The following COMMD1 variants were observed in gnomAD, a reference collection of about 807,000 sequenced individuals.
COMMD1 encodes the protein copper metabolism domain containing 1.
A neutral mutation model predicts 17.2 loss-of-function variants in COMMD1; 10 were observed. That is an observed-to-expected ratio of 0.58 (90% CI 0.36 to 0.99). The LOEUF (loss-of-function observed/expected upper bound fraction) is 0.99, where lower values mean the gene tolerates loss of function less well. Among genes scored for constraint, COMMD1 ranks in the 50% least tolerant of loss-of-function variants. The probability of loss-of-function intolerance (pLI) is 0.01; values close to 1 mark genes in which losing one functional copy is unlikely to be tolerated. For missense variants in COMMD1, 270 were observed against 231.8 expected, an observed-to-expected ratio of 1.17 and a Z score of -1.07; for synonymous variants, 97 against 91.6, an observed-to-expected ratio of 1.06 and a Z score of -0.34.
intron 2 of COMMD1, among the ~76,000 whole-genome samples, chr2:62,052,928 G>A (rs1054875711): frequency 6.6e-6 from 1 of 152,116 alleles, no homozygotes; most frequent in Non-Finnish European, 1.5e-5. Flanking sequence ...AGTTAACTGG[G>A]TGTGGTGGCA....
intron 2 of COMMD1, among the ~76,000 whole-genome samples, chr2:62,105,653 G>A (rs950120614): frequency 6.6e-6 from 1 of 152,122 alleles, no homozygotes; most frequent in Admixed American, 6.5e-5. Flanking sequence ...GCAAACCCCC[G>A]TGTCTACTAA....
intron 1 of COMMD1, among the ~76,000 whole-genome samples, chr2:61,950,284 T>C (rs1671018099): frequency 6.6e-6 from 1 of 152,186 alleles, no homozygotes; most frequent in Non-Finnish European, 1.5e-5. Flanking sequence ...CCAACCTCAC[T>C]GACAAATCTG....
chr2:62,016,197 T>G (rs1669440999), intron 2 of COMMD1, among the ~76,000 whole-genome samples: 1 of 149,366 alleles, frequency 6.7e-6, no homozygotes, highest in Non-Finnish European at 1.5e-5. Context: ...CTCTTTTTTC[T>G]TTTCTTTTCT....
At chr2:62,096,098 A>G (rs984960061) in intron 2 of COMMD1, among the ~76,000 whole-genome samples, 1 of 152,064 alleles carries the variant, frequency 6.6e-6, no homozygotes, top group African/African-American at 2.4e-5. Context: ...GTGCAAAGCA[A>G]CTAACTTTCT....
At chr2:61,971,724 C>A (rs1434757725) in intron 1 of COMMD1, among the ~76,000 whole-genome samples, 1 of 151,976 alleles carries the variant, frequency 6.6e-6, no homozygotes, top group African/African-American at 2.4e-5. Flanking sequence ...GTGCTCAGCT[C>A]CCTGCATTTA....
intron 1 of COMMD1, among the ~76,000 whole-genome samples, chr2:61,893,029 G>A (rs761699148): frequency 6.6e-6 from 1 of 151,896 alleles, no homozygotes; most frequent in African/African-American, 2.4e-5. Flanking sequence ...CACCGTGGTC[G>A]GCTAATTTTG....
intron 1 of COMMD1, among the ~76,000 whole-genome samples, 173 bp downstream of exon 1, chr2:61,906,031 C>G (rs1350156061): frequency 6.6e-6 from 1 of 152,182 alleles, no homozygotes; most frequent in Non-Finnish European, 1.5e-5. Context: ...TTCTGTCGCC[C>G]CTTCTCTCTT....
At chr2:62,057,231 A>G (rs1345865328) in intron 2 of COMMD1, among the ~76,000 whole-genome samples, 1 of 152,232 alleles carries the variant, frequency 6.6e-6, no homozygotes, top group East Asian at 1.9e-4. Flanking sequence ...ATGCACTTGA[A>G]TCATCCTGAA....
intron 1 of COMMD1, among the ~76,000 whole-genome samples, chr2:61,941,676 T>C (rs1384363456): frequency 1.3e-5 from 2 of 152,218 alleles, no homozygotes; most frequent in Non-Finnish European, 2.9e-5. Context: ...TAACTTTCTG[T>C]GCATTTAGAT....
At chr2:61,946,356 G>T (rs1670905232) in intron 1 of COMMD1, among the ~76,000 whole-genome samples, 1 of 152,166 alleles carries the variant, frequency 6.6e-6, no homozygotes, top group South Asian at 2.1e-4. Flanking sequence ...ATTTGATTTT[G>T]AGAAGGCAAA....
intron 1 of COMMD1, among the ~76,000 whole-genome samples, chr2:61,981,648 A>G (rs1365687146): frequency 2.0e-5 from 3 of 152,206 alleles, no homozygotes; most frequent in Admixed American, 6.5e-5. Context: ...CCTCACAGTC[A>G]TGGCGGAAGG....
At chr2:62,125,591 A>G (rs1273887584) in intron 2 of COMMD1, among the ~76,000 whole-genome samples, 1 of 152,130 alleles carries the variant, frequency 6.6e-6, no homozygotes, top group Non-Finnish European at 1.5e-5. Context: ...AGTAATAGTT[A>G]TTGTTTAAAA....
At chr2:62,026,357 C>A (rs960559953) in intron 2 of COMMD1, among the ~76,000 whole-genome samples, 1 of 152,068 alleles carries the variant, frequency 6.6e-6, no homozygotes, top group African/African-American at 2.4e-5. Context: ...CTTCACATGG[C>A]GATAGCAAGA....
intron 2 of COMMD1, among the ~76,000 whole-genome samples, chr2:62,076,756 G>A (rs1380785359): frequency 6.6e-6 from 1 of 152,038 alleles, no homozygotes; most frequent in South Asian, 2.1e-4. Context: ...CAAAAATAAA[G>A]AAAGAGTAGT....
intron 2 of COMMD1, among the ~76,000 whole-genome samples, chr2:62,083,152 G>A (rs1573161544): frequency 6.6e-6 from 1 of 152,188 alleles, no homozygotes; most frequent in South Asian, 2.1e-4. Context: ...CCATCTACTC[G>A]ACATAATGCC....
At chr2:62,112,011 T>C (rs1365357535) in intron 2 of COMMD1, among the ~76,000 whole-genome samples, 1 of 152,208 alleles carries the variant, frequency 6.6e-6, no homozygotes, top group Non-Finnish European at 1.5e-5. Flanking sequence ...TTTGGTAATG[T>C]AGGTGAGGAA....
At chr2:61,969,830 A>C (rs989632997) in intron 1 of COMMD1, among the ~76,000 whole-genome samples, 6 of 152,148 alleles carry the variant, frequency 3.9e-5, no homozygotes, top group African/African-American at 1.2e-4. Context: ...CCTGGCTATA[A>C]CTTAGTCACT....
chr2:61,989,043 C>A (rs552292147), intron 1 of COMMD1, among the ~76,000 whole-genome samples: 2 of 152,184 alleles, frequency 1.3e-5, no homozygotes, highest in East Asian at 1.9e-4. Flanking sequence ...AATTAAAGGG[C>A]CTTTCCTACC....
chr2:62,071,450 A>G (rs981859172), intron 2 of COMMD1, among the ~76,000 whole-genome samples: 5 of 151,930 alleles, frequency 3.3e-5, no homozygotes, highest in East Asian at 1.9e-4. Context: ...TTTCATCTCT[A>G]TTTCATCTCG....
Sources: allele counts gnomAD v4.1 joint callset (sites outside exome capture counted in the v4.1 genomes callset), GRCh38; gene constraint gnomAD v4.1.1; transcripts MANE v1.5; gene names NCBI Gene and HGNC (gene_info 2026-07-23, HGNC 2026-07-21).